Variants in GABRG3 observed in about 807,000 individuals in gnomAD.
GABRG3 encodes the protein gamma-aminobutyric acid type A receptor subunit gamma3, also known as gamma-aminobutyric acid receptor subunit gamma-3.
Under a neutral mutation model 48.8 loss-of-function variants are expected in GABRG3, and 25 were observed. The ratio of observed to expected loss-of-function variants is 0.51; its 90% CI spans 0.37 to 0.72. GABRG3 has a LOEUF of 0.72. Ranked by LOEUF, GABRG3 falls within the 30% of genes least tolerant of loss-of-function variation. The pLI, the probability that GABRG3 is intolerant of heterozygous loss-of-function variation, is 0.00. For synonymous variants in GABRG3, 227 were observed against 217.6 expected, an observed-to-expected ratio of 1.04 and a Z score of -0.38; for missense variants, 394 against 577.9, an observed-to-expected ratio of 0.68 and a Z score of 3.26.
chr15:27,302,455 T>C (rs1416072769), intron 3 of GABRG3, among the ~76,000 whole-genome samples: 1 of 152,058 alleles, frequency 6.6e-6, no homozygotes, highest in Non-Finnish European at 1.5e-5. Flanking sequence ...TCTAAATACA[T>C]ATGCATCAAA....
rs143114252 is a variant in GABRG3 at position 27,370,693 on chromosome 15, G to A, written c.574+41805G>A. On this transcript the variant is annotated intron_variant, in intron 5 of 9. Transcript: ENST00000615808. Reference sequence around the variant, plus strand: ...GTCTTTTCCCCATCAGTTACATTTCGATAAAACAAGCCTGCAATGAATTTT... The same window carrying A: ...GTCTTTTCCCCATCAGTTACATTTCAATAAAACAAGCCTGCAATGAATTTT... 6.1e-3 allele frequency among the ~76,000 whole-genome samples: 930 copies of A among 152,226 alleles called. 9 individuals carry two copies. Among genetic ancestry groups the A allele is most frequent in the African/African-American group, 0.021 (869 of 41,546 alleles).
chr15:27,375,914 C>T (rs1305182128), intron 5 of GABRG3, among the ~76,000 whole-genome samples: 13 of 152,194 alleles, frequency 8.5e-5, no homozygotes, highest in Non-Finnish European at 1.5e-4. Flanking sequence ...CAACTCATTT[C>T]AGCATTAACT....
intron 3 of GABRG3, among the ~76,000 whole-genome samples, chr15:27,169,402 T>C (rs906422904): frequency 4.6e-5 from 7 of 151,896 alleles, no homozygotes; most frequent in South Asian, 2.1e-4. Flanking sequence ...GAGGAACTGA[T>C]TGAAGGCCAG....
At chr15:27,097,090 G>A (rs1402880695) in intron 3 of GABRG3, among the ~76,000 whole-genome samples, 2 of 150,762 alleles carry the variant, frequency 1.3e-5, no homozygotes, top group Admixed American at 6.6e-5. Context: ...GACCTCAGGT[G>A]ATCCTCCCGC....
intron 3 of GABRG3, among the ~76,000 whole-genome samples, chr15:27,087,023 T>C (rs1801832319): frequency 6.6e-6 from 1 of 152,134 alleles, no homozygotes; most frequent in African/African-American, 2.4e-5. Context: ...AATCACATCT[T>C]TGAGTTCTTG....
chr15:27,019,227 C>T (rs1895840361), intron 2 of GABRG3, among the ~76,000 whole-genome samples: 2 of 151,828 alleles, frequency 1.3e-5, no homozygotes, highest in South Asian at 4.2e-4. Context: ...CGCCACCACG[C>T]CTGGCTAATT....
intron 6 of GABRG3, chr15:27,483,200 TGGCA>T (rs1451057680): frequency 6.6e-6 from 1 of 152,170 alleles, no homozygotes; most frequent in Admixed American, 6.5e-5. Context: ...AAAATCAAGA[TGGCA>T]GGCTTGGCAT....
intron 2 of GABRG3, among the ~76,000 whole-genome samples, chr15:27,003,884 C>T (rs376571600): frequency 1.7e-4 from 20 of 118,246 alleles, no homozygotes; most frequent in South Asian, 3.0e-4. Context: ...CCAGACGGGG[C>T]GGCTGGCCGG....
chr15:27,532,679 A>C lies in GABRG3; in HGVS notation c.1202A>C (p.Glu401Ala). 6.2e-7 allele frequency: 1 copy of C among 1,614,008 alleles called. No homozygotes were observed. Among genetic ancestry groups the C allele is most frequent in the Non-Finnish European group, 8.5e-7 (1 of 1,179,864 alleles). ...LNNSVYWQEF[E>A]DTCVYECLDG... ...AATTCCGTTTACTGGCAGGAATTTG[A>C]AGATACCTGTGTCTATGAGTGTCTG... is the stretch of plus-strand genomic sequence containing the variant. The change falls in exon 10 of 10, where the codon GAA becomes GCA. Residue 401 changes from glutamate (E) to alanine (A), a missense_variant. Coordinates refer to ENST00000615808, the MANE Select transcript of GABRG3 (RefSeq NM_033223.5).
intron 3 of GABRG3, among the ~76,000 whole-genome samples, chr15:27,213,775 A>G (rs1042146801): frequency 5.3e-5 from 8 of 152,214 alleles, no homozygotes; most frequent in African/African-American, 1.4e-4. Context: ...TGTTTCAACC[A>G]TGTAATGTTT....
chr15:27,514,531 A>T (rs1056339155), intron 6 of GABRG3, among the ~76,000 whole-genome samples: 2 of 152,238 alleles, frequency 1.3e-5, no homozygotes, highest in Non-Finnish European at 2.9e-5. Flanking sequence ...ACCCAAGATA[A>T]TCTTTCTTTG....
At chr15:27,030,941 G>A (rs758093001) in intron 3 of GABRG3, among the ~76,000 whole-genome samples, 1 of 151,930 alleles carries the variant, frequency 6.6e-6, no homozygotes, top group African/African-American at 2.4e-5. Flanking sequence ...CTCAGTGTTA[G>A]GATTACTTTT....
rs551255175 is a variant in GABRG3, at chr15:27,286,762, T to G, written c.271-40047T>G. Among the ~76,000 whole-genome samples, 20 of 152,288 alleles carry G rather than the reference T, an allele frequency of 1.3e-4. No individual in the cohort carries two copies. The South Asian group carries it at 3.7e-3, about 28-fold the overall frequency. On this transcript the variant is annotated intron_variant, in intron 3 of 9. Coordinates refer to ENST00000615808, the MANE Select transcript of GABRG3 (RefSeq NM_033223.5). The stretch of plus-strand genomic sequence containing the variant: ...AGTAGTAGAAATATAAGGAGTACCT[T>G]GGTGAAGAACAGAAACATGTTATAA...
chr15:27,411,959 T>C (rs1386107092), intron 5 of GABRG3, among the ~76,000 whole-genome samples: 2 of 152,156 alleles, frequency 1.3e-5, no homozygotes, highest in Non-Finnish European at 1.5e-5. Flanking sequence ...TGCTCTTTCT[T>C]TCTTTATGTA....
intron 5 of GABRG3, among the ~76,000 whole-genome samples, chr15:27,381,109 T>C (rs1170986867): frequency 6.6e-6 from 1 of 152,130 alleles, no homozygotes; most frequent in Non-Finnish European, 1.5e-5. Flanking sequence ...CAAGCCTGTG[T>C]TCCTGGGCTG....
chr15:27,016,103 A>G (rs554258716), intron 2 of GABRG3, among the ~76,000 whole-genome samples: 6 of 152,148 alleles, frequency 3.9e-5, no homozygotes, highest in African/African-American at 1.4e-4. Context: ...TTATATATTT[A>G]TATGGCTTAA....
intron 2 of GABRG3, among the ~76,000 whole-genome samples, chr15:27,000,346 A>C (rs1895420337): frequency 6.6e-6 from 1 of 152,150 alleles, no homozygotes; most frequent in Admixed American, 6.5e-5. Flanking sequence ...GGTTTGTTAG[A>C]CAGATCTGGA....
chr15:27,361,877 T>C (rs1895034722), intron 5 of GABRG3, among the ~76,000 whole-genome samples: 1 of 152,240 alleles, frequency 6.6e-6, no homozygotes, highest in African/African-American at 2.4e-5. Context: ...ATTATTGTAA[T>C]CTGTGTCTTT....
chr15:27,493,743 T>G (rs980359866), intron 6 of GABRG3, among the ~76,000 whole-genome samples: 1 of 152,208 alleles, frequency 6.6e-6, no homozygotes, highest in Non-Finnish European at 1.5e-5. Flanking sequence ...GAATCGATAG[T>G]CTCAACACTA....
Sources: allele counts gnomAD v4.1 joint callset (sites outside exome capture counted in the v4.1 genomes callset), GRCh38; gene constraint gnomAD v4.1.1; transcripts MANE v1.5; gene names NCBI Gene and HGNC (gene_info 2026-07-23, HGNC 2026-07-21).